The following MAGI1 variants were observed in gnomAD, a reference collection of about 807,000 sequenced individuals.
The protein encoded by MAGI1 is membrane associated guanylate kinase, WW and PDZ domain containing 1.
A neutral mutation model predicts 139.9 loss-of-function variants in MAGI1; 58 were observed. That is an observed-to-expected ratio of 0.41 (90% CI 0.34 to 0.52). The LOEUF (loss-of-function observed/expected upper bound fraction) is 0.52, where lower values mean the gene tolerates loss of function less well. Ranked by LOEUF, MAGI1 falls within the 20% of genes least tolerant of loss-of-function variation. The pLI, the probability that MAGI1 is intolerant of heterozygous loss-of-function variation, is 0.12. For missense variants in MAGI1, 1,874 were observed against 1,901.6 expected, an observed-to-expected ratio of 0.99 and a Z score of 0.27; for synonymous variants, 812 against 737.9, an observed-to-expected ratio of 1.10 and a Z score of -1.63.
At chr3:65,762,148 T>C (rs904352188) in intron 1 of MAGI1, among the ~76,000 whole-genome samples, 2 of 152,116 alleles carry the variant, frequency 1.3e-5, no homozygotes, top group Non-Finnish European at 2.9e-5. Context: ...ATAAGCCACT[T>C]CCAGCACCCA....
intron 2 of MAGI1, among the ~76,000 whole-genome samples, chr3:65,539,357 C>T (rs1269994360): frequency 1.3e-5 from 2 of 152,076 alleles, no homozygotes; most frequent in African/African-American, 4.8e-5. Flanking sequence ...ACACACATAC[C>T]AACTACTGTC....
chr3:65,730,867 G>C lies in MAGI1; in HGVS notation c.314-108779C>G, dbSNP rs561272766. Among the ~76,000 whole-genome samples, 7 of 151,866 alleles carry C rather than the reference G, an allele frequency of 4.6e-5. 1 individual carries two copies. Among genetic ancestry groups the C allele is most frequent in the Admixed American group, 4.6e-4 (7 of 15,244 alleles). ...GAAGTGTTGTCAGAGCTGTAGAACA[G>C]AATCTGTTATTGTCTAACTCTCCCC... On this transcript the variant is annotated intron_variant, in intron 1 of 22. Coordinates refer to ENST00000402939, the MANE Select transcript of MAGI1 (RefSeq NM_001033057.2).
At position 65,478,629 on chromosome 3, in the gene MAGI1, C is replaced by T. The variant is rs577440048; in HGVS notation, c.720G>A (p.Glu240=). 2 of 1,614,086 alleles carry T rather than the reference C, an allele frequency of 1.2e-6. No individual in the cohort carries two copies. The highest frequency in any genetic ancestry group is 2.2e-5 in the East Asian group (1 of 44,858). ...TGTTCATTTCAGGAACGTCATCCTC[C>T]TCCTCATTCTCCGCGTGGACTATGC... is the stretch of plus-strand genomic sequence containing the variant. ...NAGIVHAENE[E]EDDVPEMNSS... The change falls in exon 4 of 23, where the codon GAG becomes GAA. Residue 240 remains glutamate (E), a synonymous_variant. Coordinates refer to ENST00000402939, the MANE Select transcript of MAGI1 (RefSeq NM_001033057.2).
At chr3:65,709,141 C>T (rs908555820) in intron 1 of MAGI1, among the ~76,000 whole-genome samples, 2 of 152,162 alleles carry the variant, frequency 1.3e-5, no homozygotes, top group Non-Finnish European at 2.9e-5. Context: ...ACTACATGGC[C>T]GTTCTCTTTT....
At chr3:65,687,228 C>G (rs2088126877) in intron 1 of MAGI1, 2 of 174,348 alleles carry the variant, frequency 1.1e-5, no homozygotes, top group East Asian at 3.6e-4. Context: ...GATCCTGTCT[C>G]AAGATTTTAA....
At chr3:65,498,490 T>C (rs1254619115) in intron 2 of MAGI1, among the ~76,000 whole-genome samples, 1 of 152,190 alleles carries the variant, frequency 6.6e-6, no homozygotes, top group Non-Finnish European at 1.5e-5. Flanking sequence ...ATTTCTCAGA[T>C]GTTCACTTAT....
Position 65,359,384 on chromosome 3 carries a change from T to C in MAGI1, c.3634+1815A>G, listed in dbSNP as rs936078824. 9.2e-6 allele frequency: 12 copies of C among 1,304,840 alleles called. No individual in the cohort carries two copies. In the African/African-American group the frequency reaches 1.8e-4, roughly 19 times the overall value. 80.8% of individuals were successfully genotyped at this position (1,304,840 alleles called of 1,614,324 possible). ...GTGACATTTTTAGACAGCCATAAGG[T>C]GACTCGAGAACCCAGACAACGAATG... On this transcript the variant is annotated intron_variant, in intron 22 of 22. Transcript: ENST00000402939.
At chr3:66,022,513 T>A (rs576344301) in intron 1 of MAGI1, among the ~76,000 whole-genome samples, 26 of 152,334 alleles carry the variant, frequency 1.7e-4, no homozygotes, top group Non-Finnish European at 3.4e-4. Flanking sequence ...GCTCATAGAT[T>A]CAAATAGGCA....
chr3:65,667,412 T>C (rs1451510025), intron 1 of MAGI1, among the ~76,000 whole-genome samples: 1 of 152,154 alleles, frequency 6.6e-6, no homozygotes, highest in Non-Finnish European at 1.5e-5. Context: ...AATTATACTT[T>C]CCAAGGCCAT....
chr3:65,448,985 C>A (rs140078133), intron 6 of MAGI1, among the ~76,000 whole-genome samples: 1 of 151,996 alleles, frequency 6.6e-6, no homozygotes, highest in Admixed American at 6.6e-5. Flanking sequence ...TACCACAATA[C>A]GCTCAGTGCC....
rs778235088 is a variant in MAGI1, at chr3:65,933,418, G to A, written c.313+104578C>T. On this transcript the variant is annotated intron_variant, in intron 1 of 22. Transcript: ENST00000402939. ...ATGAGAGACCCTGGTTCCATGCTAC[G>A]TGGACCTTTCTCATTGGTTGCTTGT... Among the ~76,000 whole-genome samples the A allele has an allele frequency of 4.5e-4, 68 of 152,284 alleles. No individual in the cohort carries two copies. In the Middle Eastern group the frequency reaches 0.01, roughly 23 times the overall value.
intron 12 of MAGI1, among the ~76,000 whole-genome samples, chr3:65,421,220 A>T (rs1339715391): frequency 6.6e-6 from 1 of 152,234 alleles, no homozygotes; most frequent in Non-Finnish European, 1.5e-5. Flanking sequence ...CATGGCAATA[A>T]ATCAAAATAG....
At chr3:65,888,138 T>A (rs972805648) in intron 1 of MAGI1, among the ~76,000 whole-genome samples, 1 of 152,152 alleles carries the variant, frequency 6.6e-6, no homozygotes, top group African/African-American at 2.4e-5. Context: ...ATTCCCACTA[T>A]CCAACCTGAT....
chr3:66,024,314 TTA>T (rs1491252169), intron 1 of MAGI1, among the ~76,000 whole-genome samples: 5 of 85,704 alleles, frequency 5.8e-5, no homozygotes, highest in African/African-American at 6.1e-5. Context: ...GCAAAGTTCA[TTA>T]AAAAAAAAAA....
chr3:65,616,248 T>C (rs1211758554), intron 2 of MAGI1, among the ~76,000 whole-genome samples: 1 of 152,012 alleles, frequency 6.6e-6, no homozygotes, highest in African/African-American at 2.4e-5. Context: ...GGTGGGTCAG[T>C]AGGTGGGAGG....
intron 1 of MAGI1, among the ~76,000 whole-genome samples, chr3:65,891,650 A>C (rs1372328845): frequency 6.8e-6 from 1 of 147,922 alleles, no homozygotes; most frequent in Non-Finnish European, 1.5e-5. Flanking sequence ...CAAAGTATTC[A>C]GCAAAATACT....
chr3:65,829,213 T>C (rs2042394446), intron 1 of MAGI1, among the ~76,000 whole-genome samples: 1 of 152,222 alleles, frequency 6.6e-6, no homozygotes, highest in Admixed American at 6.5e-5. Flanking sequence ...AAAATTAATA[T>C]ATAGGCTCAG....
At chr3:65,865,367 G>C (rs998168784) in intron 1 of MAGI1, among the ~76,000 whole-genome samples, 13 of 152,170 alleles carry the variant, frequency 8.5e-5, no homozygotes, top group African/African-American at 3.1e-4. Flanking sequence ...TAGGGAGGAC[G>C]AGGCAATCGC....
chr3:65,669,495 C>G (rs906107830), intron 1 of MAGI1, among the ~76,000 whole-genome samples: 1 of 152,124 alleles, frequency 6.6e-6, no homozygotes, highest in Admixed American at 6.5e-5. Flanking sequence ...TCCAGAAAGT[C>G]GACAAGCAGA....
Sources: allele counts gnomAD v4.1 joint callset (sites outside exome capture counted in the v4.1 genomes callset), GRCh38; gene constraint gnomAD v4.1.1; transcripts MANE v1.5; gene names NCBI Gene and HGNC (gene_info 2026-07-23, HGNC 2026-07-21).